The following NRTN variants were observed in gnomAD, a reference collection of about 807,000 sequenced individuals.
The protein encoded by NRTN is neurturin.
A neutral mutation model predicts 7.5 loss-of-function variants in NRTN; 3 were observed. The observed-to-expected ratio is 0.40, with a 90% CI of 0.18 to 1.03. The LOEUF is 1.03. Ranked by LOEUF, NRTN falls within the 50% of genes least tolerant of loss-of-function variation. NRTN has a pLI of 0.34. For synonymous variants in NRTN, 157 were observed against 146.6 expected, an observed-to-expected ratio of 1.07 and a Z score of -0.51; for missense variants, 310 against 307.0, an observed-to-expected ratio of 1.01 and a Z score of -0.07.
rs560589091 is a variant in NRTN at position 5,820,127 on chromosome 19, G to A, written c.-398-3641G>A. 1.6e-4 allele frequency among the ~76,000 whole-genome samples: 24 copies of A among 148,792 alleles called. 1 individual carries two copies. Among genetic ancestry groups the A allele is most frequent in the African/African-American group, 2.8e-4 (11 of 38,744 alleles). Reference sequence around the variant, plus strand: ...TAAAAATACAAAAATTTAGCTGGGCGTGGTGGCAGACGCCTGTAGTCCCAG... The same window carrying A: ...TAAAAATACAAAAATTTAGCTGGGCATGGTGGCAGACGCCTGTAGTCCCAG... On this transcript the variant is annotated intron_variant, in intron 1 of 2. Transcript: ENST00000303212.
chr19:5,823,774 C>A lies in NRTN; in HGVS notation c.-392C>A. ...CTTCCCCCTGGCTCCTCAGCTGCAGCCGCTCCGGCCTCCTTGCTGTTCCTG... is the reference window on the plus strand; with the variant it reads ...CTTCCCCCTGGCTCCTCAGCTGCAGACGCTCCGGCCTCCTTGCTGTTCCTG... On this transcript the variant is annotated 5_prime_UTR_variant, in exon 2 of 3. Coordinates refer to ENST00000303212, the MANE Select transcript of NRTN (RefSeq NM_004558.5). 2.9e-6 allele frequency: 1 copy of A among 349,506 alleles called. No individual in the cohort carries two copies. Among genetic ancestry groups the A allele is most frequent in the South Asian group, 2.7e-5 (1 of 36,746 alleles). 21.7% of individuals were successfully genotyped at this position (349,506 alleles called of 1,614,324 possible). A position where few individuals can be genotyped will look rare whatever the true frequency, so the allele number is the denominator to read the frequency against.
intron 1 of NRTN, among the ~76,000 whole-genome samples, chr19:5,812,084 GAT>G (rs2056992288): frequency 6.6e-6 from 1 of 151,330 alleles, no homozygotes; most frequent in Non-Finnish European, 1.5e-5. Flanking sequence ...TGTTATCCAA[GAT>G]GGTCTCGATC....
At chr19:5,819,532 A>G (rs1183738683) in intron 1 of NRTN, among the ~76,000 whole-genome samples, 5 of 152,090 alleles carry the variant, frequency 3.3e-5, no homozygotes, top group Non-Finnish European at 4.4e-5. Context: ...GCGTGGTGGC[A>G]CATGCCTGTA....
chr19:5,811,984 C>T (rs1183238298), intron 1 of NRTN, among the ~76,000 whole-genome samples: 1 of 152,004 alleles, frequency 6.6e-6, no homozygotes, highest in Non-Finnish European at 1.5e-5. Context: ...ATTCTCCTGC[C>T]TCAGCCTCCC....
chr19:5,813,570 AG>A (rs2056996684), intron 1 of NRTN, among the ~76,000 whole-genome samples: 1 of 151,984 alleles, frequency 6.6e-6, no homozygotes, highest in Non-Finnish European at 1.5e-5. Context: ...CCTACTCGGG[AG>A]GCTGAGGCAG....
Position 5,823,985 on chromosome 19 carries a change from G to T in NRTN, c.-181G>T, listed in dbSNP as rs570546081. On this transcript the variant is annotated 5_prime_UTR_variant, in exon 2 of 3. Coordinates refer to ENST00000303212, the MANE Select transcript of NRTN (RefSeq NM_004558.5). Reference sequence around the variant, plus strand: ...GTTCCCTGTGACTCCTGGCACGGAGGCCAACCCCTTCCTTGTTCAATGGTT... The same window carrying T: ...GTTCCCTGTGACTCCTGGCACGGAGTCCAACCCCTTCCTTGTTCAATGGTT... The T allele has an allele frequency of 1.3e-4, 108 of 843,128 alleles. 1 individual carries two copies. The South Asian group carries it at 1.5e-3, about 12-fold the overall frequency. 52.2% of individuals were successfully genotyped at this position (843,128 alleles called of 1,614,324 possible). A position where few individuals can be genotyped will look rare whatever the true frequency, so the allele number is the denominator to read the frequency against.
chr19:5,807,469 A>G (rs537423212), intron 1 of NRTN, among the ~76,000 whole-genome samples: 2 of 152,220 alleles, frequency 1.3e-5, no homozygotes, highest in South Asian at 4.2e-4. Context: ...GATGGACAGG[A>G]GGCTCCCAAA....
intron 1 of NRTN, among the ~76,000 whole-genome samples, chr19:5,818,293 T>G (rs899827140): frequency 1.3e-5 from 2 of 152,174 alleles, no homozygotes; most frequent in Non-Finnish European, 2.9e-5. Flanking sequence ...CACGCAAGTG[T>G]GCTCGAGTGA....
intron 2 of NRTN, among the ~76,000 whole-genome samples, chr19:5,825,002 G>C (rs935737418): frequency 6.6e-6 from 1 of 151,998 alleles, no homozygotes; most frequent in South Asian, 2.1e-4. Context: ...CAGCAGGGGG[G>C]GCGGTGGGAG....
intron 1 of NRTN, among the ~76,000 whole-genome samples, chr19:5,813,675 C>T (rs954440260): frequency 3.5e-5 from 5 of 142,608 alleles, no homozygotes; most frequent in African/African-American, 8.4e-5. Flanking sequence ...AGCAAGACTC[C>T]GTCTGAAAAA....
At position 5,824,097 on chromosome 19, in the gene NRTN, C is replaced by T. The variant is rs868026273; in HGVS notation, c.-69C>T. 1.8e-5 allele frequency: 28 copies of T among 1,590,104 alleles called. No homozygotes were observed. In the African/African-American group the frequency reaches 3.3e-4, roughly 19 times the overall value. ...CCACACTGAGTCCTGGCCCAGCGCC[C>T]TGTGCCCGTTGGCTGCTGGAGGGAC... is the stretch of plus-strand genomic sequence containing the variant. On this transcript the variant is annotated 5_prime_UTR_variant, in exon 2 of 3. Coordinates refer to ENST00000303212, the MANE Select transcript of NRTN (RefSeq NM_004558.5).
intron 1 of NRTN, among the ~76,000 whole-genome samples, chr19:5,823,248 C>T (rs1017877369): frequency 2.0e-5 from 3 of 152,042 alleles, no homozygotes; most frequent in African/African-American, 7.2e-5. Flanking sequence ...GAAACCCTGT[C>T]TCTATTAAAA....
chr19:5,817,625 AGAAGAAGGCAGGC>A (rs1309463965), intron 1 of NRTN, among the ~76,000 whole-genome samples: 1 of 83,306 alleles, frequency 1.2e-5, no homozygotes, highest in Non-Finnish European at 2.4e-5. Flanking sequence ...AGAAAGAAAA[AGAAGAAGGCAGGC>A]AGGCAGGCAG....
intron 1 of NRTN, among the ~76,000 whole-genome samples, chr19:5,814,254 G>A (rs907894844): frequency 2.7e-5 from 4 of 150,424 alleles, no homozygotes; most frequent in South Asian, 4.1e-4. Flanking sequence ...CAGACACCAC[G>A]CTTACAGGGC....
At chr19:5,824,577 C>G (rs1343756057) in intron 2 of NRTN, among the ~76,000 whole-genome samples, 1 of 152,166 alleles carries the variant, frequency 6.6e-6, no homozygotes, top group African/African-American at 2.4e-5. Context: ...CCCAGGAGTT[C>G]ATGACCAGCC....
chr19:5,822,050 T>TG (rs2057026671), intron 1 of NRTN, among the ~76,000 whole-genome samples: 1 of 152,176 alleles, frequency 6.6e-6, no homozygotes, highest in Admixed American at 6.5e-5. Flanking sequence ...GCACCAGGCC[T>TG]GTTACACAGC....
chr19:5,816,072 T>A (rs1319599625), intron 1 of NRTN, among the ~76,000 whole-genome samples: 2 of 150,056 alleles, frequency 1.3e-5, no homozygotes, highest in African/African-American at 5.0e-5. Context: ...ATTTATTATT[T>A]TCTATTTTTG....
chr19:5,807,042 C>G lies in NRTN; in HGVS notation c.-399+1591C>G, dbSNP rs1463874745. Among the ~76,000 whole-genome samples, 5 of 152,094 alleles carry G rather than the reference C, an allele frequency of 3.3e-5. No homozygotes were observed. In the East Asian group the frequency reaches 9.6e-4, roughly 29 times the overall value. Reference sequence around the variant, plus strand: ...AGAGTGGGGATGGAGGGCTCTACCTCAGGGTAGGAATGTCAGAGAAGACTT... The same window carrying G: ...AGAGTGGGGATGGAGGGCTCTACCTGAGGGTAGGAATGTCAGAGAAGACTT... On this transcript the variant is annotated intron_variant, in intron 1 of 2. Coordinates refer to ENST00000303212, the MANE Select transcript of NRTN (RefSeq NM_004558.5).
intron 1 of NRTN, among the ~76,000 whole-genome samples, chr19:5,822,030 T>A (rs10411644): frequency 0.055 from 8,327 of 152,140 alleles, 768 homozygotes; most frequent in African/African-American, 0.19. Flanking sequence ...GTGCCTCTCT[T>A]GTGGGCTCAG....
Sources: allele counts gnomAD v4.1 joint callset (sites outside exome capture counted in the v4.1 genomes callset), GRCh38; gene constraint gnomAD v4.1.1; transcripts MANE v1.5; gene names NCBI Gene and HGNC (gene_info 2026-07-23, HGNC 2026-07-21).